The following PRR16 variants were observed in gnomAD, a reference collection of about 807,000 sequenced individuals.
The protein encoded by PRR16 is proline rich 16.
Under a neutral mutation model 18.2 loss-of-function variants are expected in PRR16, and 6 were observed. That is an observed-to-expected ratio of 0.33 (90% confidence interval 0.18 to 0.65). PRR16 has a LOEUF of 0.65. Ranked by LOEUF, PRR16 falls within the 30% of genes least tolerant of loss-of-function variation. The pLI is 0.74. For synonymous variants in PRR16, 151 were observed against 147.8 expected (o/e 1.02, Z -0.16); for missense variants, 412 against 376.6 (o/e 1.09, Z -0.78).
At chr5:120,596,033 A>G (rs1047411169) in intron 1 of PRR16, among the ~76,000 whole-genome samples, 9 of 151,890 alleles carry the variant, frequency 5.9e-5, no homozygotes, top group African/African-American at 1.7e-4. Context: ...ATAACTAAAG[A>G]TGGGAAATAG....
chr5:120,684,704 C>T (rs1757067210), intron 1 of PRR16, among the ~76,000 whole-genome samples: 1 of 152,216 alleles, frequency 6.6e-6, no homozygotes, highest in South Asian at 2.1e-4. Context: ...GCAGTGACCA[C>T]ACTGCTGCTC....
At chr5:120,780,844 G>T in the PRR16 span, among the ~76,000 whole-genome samples, 1 of 152,142 alleles carries the variant, frequency 6.6e-6, no homozygotes, top group Non-Finnish European at 1.5e-5. Flanking sequence ...GAGGTCAGGA[G>T]ATCGAGAGCA....
intron 1 of PRR16, among the ~76,000 whole-genome samples, chr5:120,511,469 A>G (rs752294775): frequency 2.6e-5 from 4 of 152,138 alleles, no homozygotes; most frequent in Non-Finnish European, 5.9e-5. Flanking sequence ...GGCTTTACCA[A>G]ATGGCTTGTC....
At chr5:120,698,070 CA>C in the PRR16 span, among the ~76,000 whole-genome samples, 1 of 152,024 alleles carries the variant, frequency 6.6e-6, no homozygotes, top group African/African-American at 2.4e-5. Flanking sequence ...AAAAATAAAA[CA>C]AAATAGTGTT....
chr5:120,715,186 G>A, the PRR16 span, among the ~76,000 whole-genome samples: 3 of 151,518 alleles, frequency 2.0e-5, no homozygotes, highest in Non-Finnish European at 4.4e-5. Flanking sequence ...GGAGTCTATA[G>A]TTTTCTGTTT....
Position 120,537,261 on chromosome 5 carries a change from A to G in PRR16, c.159+72616A>G, listed in dbSNP as rs373716239. Reference sequence around the variant, plus strand: ...TCATTTATGAATTGAATTTGAATACATGGAAAATTACAAGTATATTCGTTT... The same window carrying G: ...TCATTTATGAATTGAATTTGAATACGTGGAAAATTACAAGTATATTCGTTT... On this transcript the variant is annotated intron_variant, in intron 1 of 1. Coordinates refer to ENST00000407149, the MANE Select transcript of PRR16 (RefSeq NM_001300783.2). Among the ~76,000 whole-genome samples the G allele has an allele frequency of 1.1e-4, 16 of 152,354 alleles. No individual in the cohort carries two copies. The East Asian group carries it at 1.3e-3, about 13-fold the overall frequency.
At chr5:120,602,878 G>A (rs1851931) in intron 1 of PRR16, among the ~76,000 whole-genome samples, 21,572 of 151,850 alleles carry the variant, frequency 0.14, 1,770 homozygotes, top group African/African-American at 0.24. Context: ...ACTGATTTTC[G>A]TGTTTCAAAC....
intron 1 of PRR16, among the ~76,000 whole-genome samples, chr5:120,628,491 G>A (rs575591699): frequency 1.3e-5 from 2 of 152,134 alleles, no homozygotes; most frequent in East Asian, 3.9e-4. Context: ...AGGCTAGGAA[G>A]CATATCAATG....
intron 1 of PRR16, among the ~76,000 whole-genome samples, chr5:120,490,597 A>T (rs1749995469): frequency 6.6e-6 from 1 of 152,008 alleles, no homozygotes; most frequent in South Asian, 2.1e-4. Flanking sequence ...ATGGGTTTGA[A>T]CTTCCTCCTT....
At chr5:120,464,754 C>T in intron 1 of PRR16, 109 bp downstream of exon 1, 1 of 1,206,798 alleles carries the variant, frequency 8.3e-7, no homozygotes, top group Non-Finnish European at 1.1e-6. Context: ...TGGGAAACTA[C>T]AGAAAAGGCG....
At chr5:120,598,706 C>G (rs918338709) in intron 1 of PRR16, among the ~76,000 whole-genome samples, 1 of 151,786 alleles carries the variant, frequency 6.6e-6, no homozygotes, top group East Asian at 1.9e-4. Context: ...TTTGTGTTAG[C>G]TGACTTAGGA....
chr5:120,607,711 A>AC (rs1440379962), intron 1 of PRR16, among the ~76,000 whole-genome samples: 1 of 152,180 alleles, frequency 6.6e-6, no homozygotes, highest in Non-Finnish European at 1.5e-5. Flanking sequence ...CTTGAAAAAA[A>AC]AATCTTATCA....
chr5:120,786,837 A>G, the PRR16 span, among the ~76,000 whole-genome samples: 1 of 152,054 alleles, frequency 6.6e-6, no homozygotes, highest in African/African-American at 2.4e-5. Flanking sequence ...TTAACTTGAC[A>G]TTTAATGCTT....
intron 1 of PRR16, among the ~76,000 whole-genome samples, chr5:120,650,176 G>A (rs1170224410): frequency 6.7e-6 from 1 of 149,566 alleles, no homozygotes; most frequent in Non-Finnish European, 1.5e-5. Flanking sequence ...AAGATCATGC[G>A]ACTGCACTCC....
At chr5:120,546,847 G>A (rs1242344321) in intron 1 of PRR16, among the ~76,000 whole-genome samples, 2 of 151,994 alleles carry the variant, frequency 1.3e-5, no homozygotes, top group African/African-American at 4.8e-5. Context: ...GTTATTAAGT[G>A]TTCAGTAGAG....
At chr5:120,703,770 G>A in the PRR16 span, among the ~76,000 whole-genome samples, 1 of 152,174 alleles carries the variant, frequency 6.6e-6, no homozygotes, top group African/African-American at 2.4e-5. Context: ...GTTAAAAAGT[G>A]TGACATTTAC....
chr5:120,578,909 A>G (rs1192870877), intron 1 of PRR16, among the ~76,000 whole-genome samples: 1 of 151,940 alleles, frequency 6.6e-6, no homozygotes, highest in African/African-American at 2.4e-5. Context: ...GCCAGCATCT[A>G]TTATTGTTTC....
At chr5:120,731,207 G>T in the PRR16 span, among the ~76,000 whole-genome samples, 1 of 152,144 alleles carries the variant, frequency 6.6e-6, no homozygotes, top group South Asian at 2.1e-4. Context: ...GATATATGTG[G>T]ACAGTAGATA....
the PRR16 span, among the ~76,000 whole-genome samples, chr5:120,733,183 T>C: frequency 6.6e-5 from 10 of 152,256 alleles, no homozygotes; most frequent in African/African-American, 2.2e-4. Context: ...TCTTGTTCTG[T>C]CACCCAGGCT....
Sources: allele counts gnomAD v4.1 joint callset (sites outside exome capture counted in the v4.1 genomes callset), GRCh38; gene constraint gnomAD v4.1.1; transcripts MANE v1.5; gene names NCBI Gene and HGNC (gene_info 2026-07-23, HGNC 2026-07-21).